CCM2L: variants seen among roughly 807,000 people sequenced by gnomAD.
The protein encoded by CCM2L is cerebral cavernous malformations 2 protein-like.
A neutral mutation model predicts 54.1 loss-of-function variants in CCM2L; 36 were observed. The ratio of observed to expected loss-of-function variants is 0.67; its 90% confidence interval spans 0.51 to 0.88. The LOEUF (loss-of-function observed/expected upper bound fraction) is 0.88, where lower values mean the gene tolerates loss of function less well. Ranked by LOEUF, CCM2L falls within the 40% of genes least tolerant of loss-of-function variation. The probability of loss-of-function intolerance (pLI) is 0.00; values close to 1 mark genes in which losing one functional copy is unlikely to be tolerated. For synonymous variants in CCM2L, 351 were observed against 359.3 expected (o/e 0.98, Z 0.26); for missense variants, 700 against 812.1 (o/e 0.86, Z 1.68).
At position 32,018,196 on chromosome 20, in the gene CCM2L, CGGGGGCGGGGGCGGGGGAGGGGCG is replaced by C. The variant is rs1568914856; in HGVS notation, c.466+39_466+62del. 14 of 9,802 alleles carry C rather than the reference CGGGGGCGGGGGCGGGGGAGGGGCG, an allele frequency of 1.4e-3. 1 individual carries two copies. The highest frequency in any genetic ancestry group is 2.3e-3 in the Non-Finnish European group (14 of 6,142). The allele number at this position is 9,802 out of a possible 1,614,324, so 0.6% of individuals were successfully genotyped here. On this transcript the variant is annotated intron_variant, in intron 4 of 9. Coordinates refer to ENST00000452892, the MANE Select transcript of CCM2L (RefSeq NM_001365692.1). ...GGAGGGGGCGGGGGCGGGGGAGGGG[CGGGGGCGGGGGCGGGGGAGGGGCG>C]GGGGCGGGGGCGGGGCAGGGGCAGG...
intron 6 of CCM2L, among the ~76,000 whole-genome samples, chr20:32,023,279 CATG>C (rs1395527192): frequency 6.6e-6 from 1 of 152,198 alleles, no homozygotes; most frequent in Non-Finnish European, 1.5e-5. Flanking sequence ...CATCAGTTTT[CATG>C]ATGATCTCAA....
intron 4 of CCM2L, among the ~76,000 whole-genome samples, 199 bp from the exon 5 acceptor site, chr20:32,018,744 G>A (rs956987189): frequency 2.6e-5 from 4 of 152,194 alleles, no homozygotes; most frequent in African/African-American, 9.6e-5. Context: ...GAGAGGCCAG[G>A]GGTGGAGACT....
intron 6 of CCM2L, 83 bp downstream of exon 6, chr20:32,022,878 T>G: frequency 6.6e-7 from 1 of 1,507,124 alleles, no homozygotes; most frequent in Non-Finnish European, 9.0e-7. Context: ...GGACTTGGGC[T>G]GATGAAGGTA....
At chr20:32,020,489 T>C (rs369233305) in intron 5 of CCM2L, among the ~76,000 whole-genome samples, 2 of 152,188 alleles carry the variant, frequency 1.3e-5, no homozygotes, top group Admixed American at 1.3e-4. Context: ...CATCTGAAGA[T>C]CTAACGACTG....
chr20:32,010,937 T>C (rs2064688517), intron 1 of CCM2L, among the ~76,000 whole-genome samples: 1 of 152,076 alleles, frequency 6.6e-6, no homozygotes, highest in Non-Finnish European at 1.5e-5. Flanking sequence ...ACCTGCCCCC[T>C]GCCCCTCCCA....
Position 32,029,648 on chromosome 20 carries a change from G to A in CCM2L, c.1264-52G>A, listed in dbSNP as rs775422273. The A allele has an allele frequency of 2.4e-5, 37 of 1,555,414 alleles. No homozygotes were observed. The Admixed American group carries it at 6.7e-4, about 28-fold the overall frequency. ...AAGGCTCTGGGCCTTTCAGGCAGGG[G>A]TTGGGTGGCGCTGCTTCCTGGGATT... is the stretch of plus-strand genomic sequence containing the variant. On this transcript the variant is annotated intron_variant, in intron 8 of 9. Coordinates refer to ENST00000452892, the MANE Select transcript of CCM2L (RefSeq NM_001365692.1).
intron 6 of CCM2L, among the ~76,000 whole-genome samples, chr20:32,024,478 T>A (rs1244073876): frequency 6.6e-6 from 1 of 152,238 alleles, no homozygotes; most frequent in East Asian, 1.9e-4. Context: ...CCTGTCTTCA[T>A]GAAGTTTACT....
Position 32,014,984 on chromosome 20 carries a change from G to A in CCM2L, c.111G>A (p.Arg37=). 6.3e-7 allele frequency: 1 copy of A among 1,586,766 alleles called. No individual in the cohort carries two copies. Among genetic ancestry groups the A allele is most frequent in the South Asian group, 1.1e-5 (1 of 88,542 alleles). Residue 37 remains arginine (R), a synonymous_variant, in exon 2 of 10, where the codon CGG becomes CGA. Coordinates refer to ENST00000452892, the MANE Select transcript of CCM2L (RefSeq NM_001365692.1). ...CCTGTAGGAGCAGCGTGAGCCGCCG[G>A]CCCCTGCACTCGATGCCCCTTTATC... The part of the protein sequence containing the change: ...RAACRSSVSR[R]PLHSMPLYPP...
At chr20:32,016,951 C>T (rs955007033) in intron 2 of CCM2L, among the ~76,000 whole-genome samples, 2 of 152,010 alleles carry the variant, frequency 1.3e-5, no homozygotes, top group South Asian at 2.1e-4. Context: ...AGTTTGAGGG[C>T]AGCCTGGCCA....
chr20:32,013,011 C>A (rs1405958272), intron 1 of CCM2L, among the ~76,000 whole-genome samples: 1 of 152,046 alleles, frequency 6.6e-6, no homozygotes, highest in Non-Finnish European at 1.5e-5. Context: ...CTTAATGGAC[C>A]GAGCTCATTA....
chr20:32,013,683 C>T (rs936759962), intron 1 of CCM2L, among the ~76,000 whole-genome samples: 1 of 152,056 alleles, frequency 6.6e-6, no homozygotes, highest in African/African-American at 2.4e-5. Flanking sequence ...CTCCTGGGCT[C>T]CAGCTCTCCT....
rs2064929070 is a variant in CCM2L, at chr20:32,031,513, C to G, written c.*199C>G. 2 of 348,942 alleles carry G rather than the reference C, an allele frequency of 5.7e-6. No homozygotes were observed. The highest frequency in any genetic ancestry group is 2.7e-5 in the South Asian group (1 of 36,850). The allele number at this position is 348,942 out of a possible 1,614,324, so 21.6% of individuals were successfully genotyped here. A position where few individuals can be genotyped will look rare whatever the true frequency, so the allele number is the denominator to read the frequency against. On this transcript the variant is annotated 3_prime_UTR_variant, in exon 10 of 10. Coordinates refer to ENST00000452892, the MANE Select transcript of CCM2L (RefSeq NM_001365692.1). Reference sequence around the variant, plus strand: ...TGCAGGGGGAAAGCGAAGCCGGGCCCTGAAGTCCGGGGCAGTCACCCGGGG... The same window carrying G: ...TGCAGGGGGAAAGCGAAGCCGGGCCGTGAAGTCCGGGGCAGTCACCCGGGG...
intron 1 of CCM2L, among the ~76,000 whole-genome samples, chr20:32,014,493 T>C (rs1568909180): frequency 6.6e-6 from 1 of 152,160 alleles, no homozygotes; most frequent in Non-Finnish European, 1.5e-5. Context: ...CTCCAACTCC[T>C]GACCTCAAGT....
chr20:32,016,001 C>G (rs1159839312), intron 2 of CCM2L, among the ~76,000 whole-genome samples: 1 of 152,130 alleles, frequency 6.6e-6, no homozygotes, highest in East Asian at 1.9e-4. Flanking sequence ...GGACTACCGG[C>G]ACGCACCACC....
At chr20:32,018,562 G>A (rs945492021) in intron 4 of CCM2L, among the ~76,000 whole-genome samples, 1 of 152,028 alleles carries the variant, frequency 6.6e-6, no homozygotes, top group African/African-American at 2.4e-5. Context: ...GGGCTGAGGA[G>A]AGGCGGGAAG....
At chr20:32,012,749 C>A (rs886476274) in intron 1 of CCM2L, among the ~76,000 whole-genome samples, 1 of 152,164 alleles carries the variant, frequency 6.6e-6, no homozygotes, top group Non-Finnish European at 1.5e-5. Flanking sequence ...TCCAGGTCTC[C>A]ACTGAATCCT....
chr20:32,029,136 C>T lies in CCM2L; in HGVS notation c.1263+12C>T, dbSNP rs2064894328. ...ATTACATGGTCACGGTGAGCTGGGG[C>T]CGGTGGTGGGAATGGCACAAGCAAA... On this transcript the variant is annotated intron_variant, in intron 8 of 9. Coordinates refer to ENST00000452892, the MANE Select transcript of CCM2L (RefSeq NM_001365692.1). 1 of 1,613,980 alleles carries T rather than the reference C, an allele frequency of 6.2e-7. No individual in the cohort carries two copies. The highest frequency in any genetic ancestry group is 8.5e-7 in the Non-Finnish European group (1 of 1,180,012).
intron 7 of CCM2L, 30 bp downstream of exon 7, chr20:32,025,949 C>G (rs975265248): frequency 2.8e-5 from 36 of 1,297,752 alleles, no homozygotes; most frequent in Non-Finnish European, 3.7e-5. Context: ...GGGACTCCAC[C>G]CTGCTCCCCT....
At chr20:32,010,583 TA>T in intron 1 of CCM2L, 99 bp downstream of exon 1, 1 of 1,039,256 alleles carries the variant, frequency 9.6e-7, no homozygotes, top group African/African-American at 1.6e-5. Flanking sequence ...GCGAGGGGCA[TA>T]AGTGGAGCCT....
Sources: gnomAD v4.1 joint callset for allele counts (sites outside exome capture counted in the v4.1 genomes callset) on GRCh38, gnomAD v4.1.1 for gene constraint, MANE v1.5 for transcripts, NCBI Gene and HGNC (gene_info 2026-07-23, HGNC 2026-07-21) for gene names.